Variants in STX8 observed in about 807,000 individuals in gnomAD.
The protein encoded by STX8 is syntaxin 8.
STX8 carries 23 observed loss-of-function variants against 37.5 expected under a neutral mutation model. That is an observed-to-expected ratio of 0.61 (90% CI 0.44 to 0.87). The LOEUF (loss-of-function observed/expected upper bound fraction) is 0.87, where lower values mean the gene tolerates loss of function less well. Among genes scored for constraint, STX8 ranks in the 40% least tolerant of loss-of-function variants. The pLI, the probability that STX8 is intolerant of heterozygous loss-of-function variation, is 0.00. For missense variants in STX8, 313 were observed against 284.7 expected (o/e 1.10, Z -0.71); for synonymous variants, 115 against 99.1 (o/e 1.16, Z -0.95).
chr17:9,540,458 TGG>T (rs1906235141), intron 4 of STX8, among the ~76,000 whole-genome samples: 1 of 152,224 alleles, frequency 6.6e-6, no homozygotes, highest in African/African-American at 2.4e-5. Flanking sequence ...GTTACGGTGT[TGG>T]GTCTAAAGCA....
intron 6 of STX8, among the ~76,000 whole-genome samples, chr17:9,400,075 G>C (rs1912549584): frequency 7.3e-6 from 1 of 136,302 alleles, no homozygotes; most frequent in Admixed American, 7.1e-5. Context: ...ATAGGCAGTG[G>C]AATTATTTAT....
chr17:9,516,952 C>G (rs536677894), intron 4 of STX8, among the ~76,000 whole-genome samples: 5 of 152,064 alleles, frequency 3.3e-5, no homozygotes, highest in Admixed American at 6.5e-5. Context: ...GATATGATAC[C>G]CTTGTTATTA....
At chr17:9,373,691 G>C (rs920405917) in intron 7 of STX8, among the ~76,000 whole-genome samples, 2 of 152,160 alleles carry the variant, frequency 1.3e-5, no homozygotes, top group Non-Finnish European at 2.9e-5. Context: ...TGTAATCCAA[G>C]CACTTTGGAA....
At chr17:9,531,929 A>G (rs1905835001) in intron 4 of STX8, among the ~76,000 whole-genome samples, 1 of 152,070 alleles carries the variant, frequency 6.6e-6, no homozygotes, top group Non-Finnish European at 1.5e-5. Context: ...CCAGGTTGCT[A>G]CTGCTAACCA....
chr17:9,317,685 G>A (rs1416382977), intron 7 of STX8, among the ~76,000 whole-genome samples: 1 of 151,600 alleles, frequency 6.6e-6, no homozygotes, highest in South Asian at 2.1e-4. Context: ...AGAATGTCGT[G>A]AACCCGGGAG....
rs1391088834 is a variant in STX8, at chr17:9,506,416, CCCCCA to C, written c.324-1259_324-1255del. Among the ~76,000 whole-genome samples, 39 of 97,784 alleles carry C rather than the reference CCCCCA, an allele frequency of 4.0e-4. 5 individuals carry two copies. The highest frequency in any genetic ancestry group is 1.3e-3 in the African/African-American group (34 of 26,842). The allele number at this position is 97,784 out of a possible 152,430, so 64.2% of individuals were successfully genotyped here. Reference sequence around the variant, plus strand: ...GCTGGTGCTCACCCGCTCCCCCCCCCCCCCACCCACCTTTCTTAGGAAAGGACTAA... The same window carrying C: ...GCTGGTGCTCACCCGCTCCCCCCCCCCCCACCTTTCTTAGGAAAGGACTAA... On this transcript the variant is annotated intron_variant, in intron 4 of 7. Transcript: ENST00000306357.
intron 4 of STX8, among the ~76,000 whole-genome samples, chr17:9,515,947 G>A (rs1177461843): frequency 6.6e-6 from 1 of 152,074 alleles, no homozygotes; most frequent in African/African-American, 2.4e-5. Flanking sequence ...AATAGGAAAG[G>A]GAAGGAAAGA....
intron 6 of STX8, among the ~76,000 whole-genome samples, chr17:9,401,645 T>C (rs917510477): frequency 6.6e-6 from 1 of 152,200 alleles, no homozygotes; most frequent in Non-Finnish European, 1.5e-5. Context: ...CCAGACTAAA[T>C]ATAGTCTGCA....
chr17:9,366,014 G>C (rs1025449361), intron 7 of STX8, among the ~76,000 whole-genome samples: 10 of 151,986 alleles, frequency 6.6e-5, no homozygotes, highest in African/African-American at 2.2e-4. Flanking sequence ...CAGAGGAAGA[G>C]GGAAAAAATG....
At chr17:9,264,360 A>G (rs1424104662) in intron 7 of STX8, among the ~76,000 whole-genome samples, 1 of 152,222 alleles carries the variant, frequency 6.6e-6, no homozygotes, top group Non-Finnish European at 1.5e-5. Context: ...GCTGGAGTGC[A>G]GTGGCATGGT....
At chr17:9,466,862 A>G (rs1905635147) in intron 6 of STX8, among the ~76,000 whole-genome samples, 1 of 152,090 alleles carries the variant, frequency 6.6e-6, no homozygotes, top group African/African-American at 2.4e-5. Context: ...AGCGTTTACT[A>G]TACACTAGGT....
chr17:9,537,050 G>T (rs1336555221), intron 4 of STX8, among the ~76,000 whole-genome samples: 8 of 152,086 alleles, frequency 5.3e-5, no homozygotes, highest in Non-Finnish European at 1.2e-4. Flanking sequence ...ATCCAGCCAA[G>T]AACGGGCATT....
intron 7 of STX8, among the ~76,000 whole-genome samples, chr17:9,303,006 A>G (rs74768944): frequency 1.3e-5 from 2 of 150,070 alleles, no homozygotes; most frequent in Non-Finnish European, 3.0e-5. Context: ...AAAAAAAAAA[A>G]GGAAGAGACA....
chr17:9,304,010 T>TAATA (rs148883884), intron 7 of STX8, among the ~76,000 whole-genome samples: 3 of 151,264 alleles, frequency 2.0e-5, no homozygotes, highest in Non-Finnish European at 4.4e-5. Context: ...AAAGGCCAAA[T>TAATA]AATTAGGAAA....
intron 6 of STX8, among the ~76,000 whole-genome samples, chr17:9,416,374 A>ATTTTTTTTTTT (rs535117460): frequency 0.01 from 1,491 of 145,850 alleles, 29 homozygotes; most frequent in African/African-American, 0.035. Flanking sequence ...TTGTAGTTTA[A>ATTTTTTTTTTT]TTTTTTTTTT....
chr17:9,371,448 G>A (rs1911398058), intron 7 of STX8, among the ~76,000 whole-genome samples: 2 of 152,134 alleles, frequency 1.3e-5, no homozygotes, highest in African/African-American at 4.8e-5. Flanking sequence ...ATTTGTATGT[G>A]TTCATATATA....
chr17:9,340,519 T>C (rs1356443403), intron 7 of STX8, among the ~76,000 whole-genome samples: 1 of 152,184 alleles, frequency 6.6e-6, no homozygotes, highest in Non-Finnish European at 1.5e-5. Flanking sequence ...AATCCTAAAT[T>C]CACAGGATGG....
intron 6 of STX8, among the ~76,000 whole-genome samples, chr17:9,486,794 G>A (rs1206253381): frequency 6.6e-6 from 1 of 152,132 alleles, no homozygotes; most frequent in Non-Finnish European, 1.5e-5. Context: ...GGGAGATGGA[G>A]GATGCAGTGA....
At chr17:9,570,145 TA>T (rs1907626499) in intron 1 of STX8, among the ~76,000 whole-genome samples, 1 of 152,086 alleles carries the variant, frequency 6.6e-6, no homozygotes, top group South Asian at 2.1e-4. Flanking sequence ...GTAAACAATA[TA>T]TTTTTTAAAA....
Sources: gnomAD v4.1 joint callset for allele counts (sites outside exome capture counted in the v4.1 genomes callset) on GRCh38, gnomAD v4.1.1 for gene constraint, MANE v1.5 for transcripts, NCBI Gene and HGNC (gene_info 2026-07-23, HGNC 2026-07-21) for gene names.